The following LRRC4B variants were observed in gnomAD, a reference collection of about 807,000 sequenced individuals.
LRRC4B encodes the protein leucine-rich repeat-containing protein 4B.
LRRC4B carries 1 observed loss-of-function variant against 7.3 expected under a neutral mutation model. That is an observed-to-expected ratio of 0.14 (90% CI 0.05 to 0.65). LRRC4B has a LOEUF of 0.65. Among genes scored for constraint, LRRC4B ranks in the 30% least tolerant of loss-of-function variants. The pLI is 0.84. For synonymous variants in LRRC4B, 500 were observed against 499.2 expected, an observed-to-expected ratio of 1.00 and a Z score of -0.02; for missense variants, 730 against 1,041.6, an observed-to-expected ratio of 0.70 and a Z score of 4.12.
intron 2 of LRRC4B, among the ~76,000 whole-genome samples, chr19:50,546,260 G>A (rs1016582969): frequency 9.2e-5 from 14 of 152,062 alleles, no homozygotes; most frequent in African/African-American, 2.4e-4. Flanking sequence ...GCTTGAACCC[G>A]GGAGGTGGAG....
intron 2 of LRRC4B, among the ~76,000 whole-genome samples, chr19:50,544,827 G>T (rs1253601796): frequency 6.6e-6 from 1 of 152,100 alleles, no homozygotes; most frequent in Non-Finnish European, 1.5e-5. Context: ...GGCCAAGGTG[G>T]GTGAATTGCT....
At chr19:50,532,194 C>G (rs1417634361) in intron 2 of LRRC4B, among the ~76,000 whole-genome samples, 1 of 152,182 alleles carries the variant, frequency 6.6e-6, no homozygotes, top group Non-Finnish European at 1.5e-5. Context: ...TGAAATTGCA[C>G]CACTGCACTC....
chr19:50,561,440 A>G (rs1982458834), intron 1 of LRRC4B, among the ~76,000 whole-genome samples: 1 of 151,958 alleles, frequency 6.6e-6, no homozygotes, highest in East Asian at 1.9e-4. Context: ...AATGCCTTCA[A>G]AAGTCTAGAC....
chr19:50,520,853 T>C (rs1170384969), intron 2 of LRRC4B, among the ~76,000 whole-genome samples: 1 of 152,164 alleles, frequency 6.6e-6, no homozygotes, highest in Non-Finnish European at 1.5e-5. Context: ...AAGTTAAAAC[T>C]GGAGTGGCCA....
intron 2 of LRRC4B, among the ~76,000 whole-genome samples, chr19:50,544,642 C>T (rs16985509): frequency 0.03 from 4,612 of 152,254 alleles, 234 homozygotes; most frequent in African/African-American, 0.11. Context: ...GACACCAAAG[C>T]GAAGGAGAGC....
intron 2 of LRRC4B, among the ~76,000 whole-genome samples, chr19:50,530,802 T>C (rs1468328396): frequency 2.0e-5 from 3 of 151,706 alleles, no homozygotes; most frequent in Admixed American, 6.6e-5. Context: ...AGTGGCGCCA[T>C]CTTGGCTCAC....
chr19:50,561,053 T>C (rs1325983448), intron 1 of LRRC4B, among the ~76,000 whole-genome samples: 1 of 152,138 alleles, frequency 6.6e-6, no homozygotes, highest in African/African-American at 2.4e-5. Flanking sequence ...ATAGCACCAC[T>C]GCACTCCAGC....
In LRRC4B at chr19:50,517,618, G is replaced by A; in HGVS notation, c.2095C>T (p.Leu699Phe). 1.4e-6 allele frequency: 2 copies of A among 1,478,440 alleles called. No individual in the cohort carries two copies. Among genetic ancestry groups the A allele is most frequent in the East Asian group, 5.1e-5 (2 of 39,354 alleles). 91.6% of individuals were successfully genotyped at this position (1,478,440 alleles called of 1,614,324 possible). A position where few individuals can be genotyped will look rare whatever the true frequency, so the allele number is the denominator to read the frequency against. ...PGLNSIHEPLLFKSGSKENVQ... is the reference protein window; with the variant it reads ...PGLNSIHEPLFFKSGSKENVQ... ...TTCTCCTTGGAGCCGCTCTTGAAGA[G>A]CAGAGGTTCGTGGATGGAGTTGAGG... Residue 699 changes from leucine (L) to phenylalanine (F), a missense_variant, in exon 3 of 3, where the codon CTC becomes TTC. Coordinates refer to ENST00000652263, the MANE Select transcript of LRRC4B (RefSeq NM_001080457.2). The surrounding 1 kb of genome is among the most constrained non-coding windows in gnomAD (Gnocchi z 6.6).
Position 50,548,312 on chromosome 19 carries a change from C to T in LRRC4B, c.297+230G>A, listed in dbSNP as rs920121201. On this transcript the variant is annotated intron_variant, in intron 2 of 2. Transcript: ENST00000652263. This position sits in a 1 kb window ranked among gnomAD's most constrained non-coding sequence, Gnocchi z 6.8. ...GGGCAGGTGGCCTGCACTTGGGCCC[C>T]GACACGGTGGCTCAGAGACAGGGAG... 5.3e-5 allele frequency among the ~76,000 whole-genome samples: 8 copies of T among 152,216 alleles called. No homozygotes were observed. Among genetic ancestry groups the T allele is most frequent in the East Asian group, 1.9e-4 (1 of 5,192 alleles).
At chr19:50,551,591 G>A (rs955251609) in intron 1 of LRRC4B, among the ~76,000 whole-genome samples, 1 of 117,966 alleles carries the variant, frequency 8.5e-6, no homozygotes, top group African/African-American at 3.4e-5. Context: ...CACCTCCTCT[G>A]GCCTCAACCC....
At chr19:50,524,054 A>ATT (rs1173456539) in intron 2 of LRRC4B, among the ~76,000 whole-genome samples, 2 of 152,020 alleles carry the variant, frequency 1.3e-5, no homozygotes, top group Non-Finnish European at 2.9e-5. Flanking sequence ...CTTGTGTGAT[A>ATT]TTTTTTCCTC....
In LRRC4B at chr19:50,548,591, C is replaced by T. The variant is rs1182151889; in HGVS notation, c.248G>A (p.Ser83Asn). 1 of 1,603,396 alleles carries T rather than the reference C, an allele frequency of 6.2e-7. No individual in the cohort carries two copies. The highest frequency in any genetic ancestry group is 1.7e-5 in the Admixed American group (1 of 59,496). Reference sequence around the variant, plus strand: ...CAGGTACCGCGTGTTGACCGGGATGCTGGCTGGGACCTCGGCCAGGTCTCT... The same window carrying T: ...CAGGTACCGCGTGTTGACCGGGATGTTGGCTGGGACCTCGGCCAGGTCTCT... ...TRRDLAEVPA[S>N]IPVNTRYLNL... The change falls in exon 2 of 3, where the codon AGC becomes AAC. Residue 83 changes from serine (S) to asparagine (N), a missense_variant. By Grantham distance (46) the Ser-to-Asn change is conservative (BLOSUM62 1). This residue lies in a region of LRRC4B where 143 missense variants were observed against 158.4 expected (regional missense o/e 0.90). Transcript: ENST00000652263. The surrounding 1 kb of genome is among the most constrained non-coding windows in gnomAD (Gnocchi z 6.8).
chr19:50,550,407 C>G (rs548010534), intron 1 of LRRC4B, among the ~76,000 whole-genome samples: 1 of 151,598 alleles, frequency 6.6e-6, no homozygotes, highest in South Asian at 2.1e-4. Flanking sequence ...GCACACCGAC[C>G]CACTCACACA....
chr19:50,550,080 A>T (rs2122898694), intron 1 of LRRC4B, among the ~76,000 whole-genome samples: 1 of 152,174 alleles, frequency 6.6e-6, no homozygotes, highest in East Asian at 1.9e-4. Context: ...AGCCCTTGCA[A>T]TGCAGCAAAC....
rs12976805 is a variant in LRRC4B at position 50,548,626 on chromosome 19, G to C, written c.213C>G (p.Ile71Met). Residue 71 changes from isoleucine (I) to methionine (M), a missense_variant, in exon 2 of 3, where the codon ATC becomes ATG. Physicochemically the swap from Ile to Met is conservative, Grantham distance 10 (BLOSUM62 1). Transcript: ENST00000652263. This position sits in a 1 kb window ranked among gnomAD's most constrained non-coding sequence, Gnocchi z 6.8. Reference sequence around the variant, plus strand: ...CCTCGGCCAGGTCTCTCCGTGTGCAGATCACCCGGCTGGCCTGGTTGCTGC... The same window carrying C: ...CCTCGGCCAGGTCTCTCCGTGTGCACATCACCCGGCTGGCCTGGTTGCTGC... The part of the protein sequence containing the change: ...CSCSNQASRV[I>M]CTRRDLAEVP... 1 of 1,592,790 alleles carries C rather than the reference G, an allele frequency of 6.3e-7. No homozygotes were observed. The highest frequency in any genetic ancestry group is 8.5e-7 in the Non-Finnish European group (1 of 1,172,170).
chr19:50,551,575 C>T (rs543897490), intron 1 of LRRC4B, among the ~76,000 whole-genome samples: 169 of 136,002 alleles, frequency 1.2e-3, no homozygotes, highest in African/African-American at 4.4e-3. Flanking sequence ...GCCTCTGGTC[C>T]CCGTCCACCT....
chr19:50,561,990 T>TGTCTCAGGAGCTACTCAGGA (rs1982479534), intron 1 of LRRC4B, among the ~76,000 whole-genome samples: 1 of 110,386 alleles, frequency 9.1e-6, no homozygotes. Flanking sequence ...TAGTGATGCG[T>TGTCTCAGGAGCTACTCAGGA]GCCTGTAGTC....
intron 1 of LRRC4B, among the ~76,000 whole-genome samples, chr19:50,561,670 G>A (rs1465604358): frequency 6.6e-6 from 1 of 152,226 alleles, no homozygotes; most frequent in Admixed American, 6.5e-5. Context: ...AGGAGGTCAA[G>A]GCTGCAGTGA....
Position 50,519,321 on chromosome 19 carries a change from T to C in LRRC4B, c.392A>G (p.Asn131Ser). 2 of 1,613,352 alleles carry C rather than the reference T, an allele frequency of 1.2e-6. No individual in the cohort carries two copies. Among genetic ancestry groups the C allele is most frequent in the Non-Finnish European group, 8.5e-7 (1 of 1,180,014 alleles). Residue 131 changes from asparagine to serine, a missense_variant, in exon 3 of 3, where the codon AAC (asparagine) becomes AGC (serine). Transcript: ENST00000652263. This position sits in a 1 kb window ranked among gnomAD's most constrained non-coding sequence, Gnocchi z 8.1. ...LVRKIEVGAF[N>S]GLPSLNTLEL... ...CAGCGTGTTGAGGCTGGGCAGCCCG[T>C]TGAAGGCGCCCACCTCGATCTTGCG...
Sources: gnomAD v4.1 joint callset for allele counts (sites outside exome capture counted in the v4.1 genomes callset) on GRCh38, gnomAD v4.1.1 for gene constraint, gnomAD v4.1.1 regional missense constraint, Gnocchi (gnomAD v3.1) non-coding constraint, MANE v1.5 for transcripts, NCBI Gene and HGNC (gene_info 2026-07-23, HGNC 2026-07-21) for gene names.